Variants in SNX8 observed in about 807,000 individuals in gnomAD.
SNX8 encodes sorting nexin 8.
In SNX8, 25 loss-of-function variants were observed where a neutral mutation model predicts 51.6. The ratio of observed to expected loss-of-function variants is 0.48; its 90% CI spans 0.35 to 0.68. The LOEUF (loss-of-function observed/expected upper bound fraction) is 0.68. SNX8 is among the 30% of genes least tolerant of loss of function. SNX8 has a pLI of 0.00. For missense variants in SNX8, 695 were observed against 624.0 expected (o/e 1.11, Z -1.21); for synonymous variants, 324 against 277.0 (o/e 1.17, Z -1.68).
intron 1 of SNX8, among the ~76,000 whole-genome samples, chr7:2,343,703 C>T (rs1487823508): frequency 6.6e-6 from 1 of 151,872 alleles, no homozygotes; most frequent in Non-Finnish European, 1.5e-5. Flanking sequence ...AGAAGATTAT[C>T]TTCCCACTGT....
chr7:2,322,789 T>C (rs2115226393), intron 1 of SNX8, among the ~76,000 whole-genome samples: 1 of 149,716 alleles, frequency 6.7e-6, no homozygotes, highest in East Asian at 2.0e-4. Context: ...GGCTGAAGTA[T>C]GTGGATCACC....
chr7:2,292,022 G>A (rs554637445), intron 1 of SNX8, among the ~76,000 whole-genome samples: 1 of 152,212 alleles, frequency 6.6e-6, no homozygotes, highest in Non-Finnish European at 1.5e-5. Context: ...CCAACACTCT[G>A]GGAGGCCGAG....
In SNX8 at chr7:2,278,312, G is replaced by A. The variant is rs112787844; in HGVS notation, c.95-7C>T. 2.7e-5 allele frequency: 41 copies of A among 1,506,678 alleles called. No homozygotes were observed. The African/African-American group carries it at 3.0e-4, about 11-fold the overall frequency. 93.3% of individuals were successfully genotyped at this position (1,506,678 alleles called of 1,614,324 possible). ...GCCTGGGGTGTCGGCAGATCTGCAG[G>A]GGAGATGGTGAATGACCAGTGAGAA... is the stretch of plus-strand genomic sequence containing the variant. On this transcript the variant is annotated splice_region_variant and splice_polypyrimidine_tract_variant and intron_variant, in intron 1 of 10. Transcript: ENST00000222990.
At chr7:2,334,869 GAAAAAAAAAAA>G (rs71023399) in intron 1 of SNX8, among the ~76,000 whole-genome samples, 1,029 of 80,084 alleles carry the variant, frequency 0.013, 19 homozygotes, top group African/African-American at 0.051. Context: ...GCCCATCTCT[GAAAAAAAAAAA>G]AAAAAAAAAA....
At chr7:2,265,871 G>T (rs1669990628) in intron 5 of SNX8, among the ~76,000 whole-genome samples, 1 of 152,002 alleles carries the variant, frequency 6.6e-6, no homozygotes, top group Admixed American at 6.6e-5. Context: ...CAGTACTTTG[G>T]GGGGCCATGC....
At chr7:2,309,794 A>C (rs892175150) in intron 1 of SNX8, 2 of 470,912 alleles carry the variant, frequency 4.2e-6, no homozygotes, top group African/African-American at 4.0e-5. Flanking sequence ...GTATTCACAC[A>C]GAGAACAGAC....
At chr7:2,352,248 A>T (rs1779159590) in intron 1 of SNX8, among the ~76,000 whole-genome samples, 1 of 151,980 alleles carries the variant, frequency 6.6e-6, no homozygotes, top group Non-Finnish European at 1.5e-5. Flanking sequence ...TCAATCACTG[A>T]TTTAGGGTCC....
intron 5 of SNX8, among the ~76,000 whole-genome samples, chr7:2,267,171 GA>G (rs1267471370): frequency 6.6e-6 from 1 of 152,258 alleles, no homozygotes. Context: ...AGGGTTAAAT[GA>G]GGAAACCATG....
upstream of SNX8, among the ~76,000 whole-genome samples, chr7:2,318,422 G>A (rs1796786765): frequency 6.6e-6 from 1 of 151,804 alleles, no homozygotes; most frequent in African/African-American, 2.4e-5. Context: ...TACTCGGGAG[G>A]CTGAGGCAGG....
At chr7:2,264,022 T>C (rs903159003) in intron 6 of SNX8, among the ~76,000 whole-genome samples, 7 of 152,040 alleles carry the variant, frequency 4.6e-5, no homozygotes, top group African/African-American at 1.4e-4. Flanking sequence ...CCTGGGATCT[T>C]TTTTTAAAGT....
upstream of SNX8, among the ~76,000 whole-genome samples, chr7:2,316,246 C>CAA (rs1796754703): frequency 6.7e-6 from 1 of 148,934 alleles, no homozygotes. Context: ...CATTCATTCA[C>CAA]CCACTCACTC....
At chr7:2,276,826 T>G (rs1340506907) in intron 2 of SNX8, among the ~76,000 whole-genome samples, 1 of 152,176 alleles carries the variant, frequency 6.6e-6, no homozygotes, top group Non-Finnish European at 1.5e-5. Flanking sequence ...CCGCCTGTGG[T>G]TCCAGCTACT....
At chr7:2,276,051 G>C (rs996056715) in intron 2 of SNX8, among the ~76,000 whole-genome samples, 2 of 151,810 alleles carry the variant, frequency 1.3e-5, no homozygotes, top group East Asian at 3.9e-4. Context: ...CTTCCCACCT[G>C]GTCAGTGACT....
intron 1 of SNX8, among the ~76,000 whole-genome samples, chr7:2,345,370 G>A (rs1218333515): frequency 6.6e-6 from 1 of 152,054 alleles, no homozygotes; most frequent in Non-Finnish European, 1.5e-5. Flanking sequence ...GAACCAAAGG[G>A]GACAAATAAA....
At chr7:2,270,150 GAGCCCTCTCATCTGAA>G (rs1373288743) in intron 4 of SNX8, among the ~76,000 whole-genome samples, 1 of 151,904 alleles carries the variant, frequency 6.6e-6, no homozygotes. Flanking sequence ...CCTGGCACCG[GAGCCCTCTCATCTGAA>G]AGAGGCCTCC....
At chr7:2,265,852 C>T (rs983883314) in intron 5 of SNX8, among the ~76,000 whole-genome samples, 1 of 152,028 alleles carries the variant, frequency 6.6e-6, no homozygotes. Context: ...TGGCTCATGC[C>T]TTTAATCCCA....
intron 1 of SNX8, among the ~76,000 whole-genome samples, chr7:2,313,042 C>T (rs1796689155): frequency 6.6e-6 from 1 of 152,010 alleles, no homozygotes; most frequent in Non-Finnish European, 1.5e-5. Context: ...GGACTACAGG[C>T]GCCCGCCACC....
chr7:2,279,879 A>C (rs1189164532), intron 1 of SNX8, among the ~76,000 whole-genome samples: 2 of 152,212 alleles, frequency 1.3e-5, no homozygotes, highest in African/African-American at 4.8e-5. Flanking sequence ...AAGGAAAACA[A>C]AGTGAAATAT....
intron 1 of SNX8, among the ~76,000 whole-genome samples, chr7:2,334,577 C>A (rs1778791653): frequency 6.6e-6 from 1 of 151,528 alleles, no homozygotes; most frequent in Admixed American, 6.6e-5. Context: ...GTGGTGTGGG[C>A]CTGTGGTCTC....
Sources: allele counts gnomAD v4.1 joint callset (sites outside exome capture counted in the v4.1 genomes callset), GRCh38; gene constraint gnomAD v4.1.1; transcripts MANE v1.5; gene names NCBI Gene and HGNC (gene_info 2026-07-23, HGNC 2026-07-21).